The following C5orf34 variants were observed in gnomAD, a reference collection of about 807,000 sequenced individuals.
C5orf34 encodes chromosome 5 open reading frame 34, also known as uncharacterized protein C5orf34.
C5orf34 carries 73 observed loss-of-function variants against 78.4 expected under a neutral mutation model. The ratio of observed to expected loss-of-function variants is 0.93; its 90% CI spans 0.77 to 1.13. C5orf34 has a LOEUF of 1.13. Ranked by LOEUF, C5orf34 falls within the 50% of genes most tolerant of loss-of-function variation. The pLI is 0.00. For missense variants in C5orf34, 730 were observed against 732.7 expected, an observed-to-expected ratio of 1.00 and a Z score of 0.04; for synonymous variants, 251 against 246.6, an observed-to-expected ratio of 1.02 and a Z score of -0.17.
chr5:43,503,644 A>G, intron 5 of C5orf34, 21 bp downstream of exon 5: 1 of 1,494,412 alleles, frequency 6.7e-7, no homozygotes, highest in East Asian at 2.3e-5. Flanking sequence ...TCCAACATAG[A>G]AGCCAACATA....
At chr5:43,489,957 C>T (rs1745213471) in intron 11 of C5orf34, among the ~76,000 whole-genome samples, 1 of 152,070 alleles carries the variant, frequency 6.6e-6, no homozygotes, top group Non-Finnish European at 1.5e-5. Flanking sequence ...CAGGTCTGAA[C>T]TCCTATTTAT....
chr5:43,506,301 A>G lies in C5orf34; in HGVS notation c.379T>C (p.Ser127Pro). 1 of 1,614,142 alleles carries G rather than the reference A, an allele frequency of 6.2e-7. No individual in the cohort carries two copies. The highest frequency in any genetic ancestry group is 8.5e-7 in the Non-Finnish European group (1 of 1,180,020). ...CAGAGGTATGCATGACCATCTAAAG[A>G]TGTTATCTTCACAATGCCACTCTCC... ...YMESGIVKIT[S>P]LDGHAYLCLP... Residue 127 changes from serine (S) to proline (P), a missense_variant, in exon 4 of 13, where the codon TCT (serine) becomes CCT (proline). Coordinates refer to ENST00000306862, the MANE Select transcript of C5orf34 (RefSeq NM_198566.4).
Position 43,492,325 on chromosome 5 carries a change from G to A in C5orf34, c.1486-16C>T, listed in dbSNP as rs373958505. ...CTTGATTTACCTGAAGAAGTAGAAA[G>A]ATAAGTTTTATCATTTTAGAACTGA... On this transcript the variant is annotated splice_polypyrimidine_tract_variant and intron_variant, in intron 9 of 12. Transcript: ENST00000306862. 7 of 1,516,182 alleles carry A rather than the reference G, an allele frequency of 4.6e-6. No homozygotes were observed. The highest frequency in any genetic ancestry group is 6.4e-6 in the Non-Finnish European group (7 of 1,100,224). 93.9% of individuals were successfully genotyped at this position (1,516,182 alleles called of 1,614,324 possible).
intron 4 of C5orf34, 47 bp from the exon 5 acceptor site, chr5:43,503,807 AT>A (rs1745865578): frequency 7.7e-7 from 1 of 1,298,424 alleles, no homozygotes; most frequent in Middle Eastern, 2.0e-4. Flanking sequence ...GCTCAATATA[AT>A]TGTCTTTAGA....
chr5:43,495,720 G>A (rs534387189), intron 6 of C5orf34: 65 of 1,580,100 alleles, frequency 4.1e-5, no homozygotes, highest in East Asian at 2.5e-4. Flanking sequence ...AGAGGCAGGC[G>A]CAAGGGCTTG....
At position 43,502,512 on chromosome 5, in the gene C5orf34, A is replaced by G. The variant is rs1056605152; in HGVS notation, c.1029-17T>C. 5 of 1,486,990 alleles carry G rather than the reference A, an allele frequency of 3.4e-6. No homozygotes were observed. 92.1% of individuals were successfully genotyped at this position (1,486,990 alleles called of 1,614,324 possible). A position where few individuals can be genotyped will look rare whatever the true frequency, so the allele number is the denominator to read the frequency against. ...TGGGTAAGTCTAAGAAATAGAAATA[A>G]CCATTAAAAATTTTTTTCCACTTGA... On this transcript the variant is annotated splice_polypyrimidine_tract_variant and intron_variant, in intron 5 of 12. Coordinates refer to ENST00000306862, the MANE Select transcript of C5orf34 (RefSeq NM_198566.4).
chr5:43,511,769 C>G (rs1357592703), intron 1 of C5orf34, among the ~76,000 whole-genome samples: 1 of 152,104 alleles, frequency 6.6e-6, no homozygotes, highest in Admixed American at 6.5e-5. Flanking sequence ...TGTGTCCACT[C>G]AGGGTTAAAT....
intron 6 of C5orf34, among the ~76,000 whole-genome samples, chr5:43,496,743 C>T (rs533335094): frequency 5.1e-5 from 4 of 77,882 alleles, no homozygotes; most frequent in South Asian, 6.5e-4. Flanking sequence ...GCCACCATAC[C>T]GGGCTAATTT....
At chr5:43,495,327 T>C in intron 6 of C5orf34, 2 of 1,611,798 alleles carry the variant, frequency 1.2e-6, no homozygotes, top group Non-Finnish European at 1.7e-6. Flanking sequence ...CGATCAATCT[T>C]TTCCTTCAGC....
In C5orf34 at chr5:43,486,824, C is replaced by T. The variant is rs549749867; in HGVS notation, c.*91G>A. The T allele has an allele frequency of 8.2e-6, 5 of 611,464 alleles. No individual in the cohort carries two copies. The highest frequency in any genetic ancestry group is 3.2e-5 in the East Asian group (1 of 30,922). 37.9% of individuals were successfully genotyped at this position (611,464 alleles called of 1,614,324 possible). A position where few individuals can be genotyped will look rare whatever the true frequency, so the allele number is the denominator to read the frequency against. ...TCACAATCATTGTGCCGGGGTAATA[C>T]GTACAATATCTTGGCTTACTAGTAA... On this transcript the variant is annotated 3_prime_UTR_variant, in exon 13 of 13. Transcript: ENST00000306862.
intron 8 of C5orf34, 36 bp from the exon 9 acceptor site, chr5:43,492,926 G>C (rs1197361017): frequency 7.0e-7 from 1 of 1,432,900 alleles, no homozygotes; most frequent in African/African-American, 1.4e-5. Flanking sequence ...AGGAAATAGA[G>C]TTATCTAAGA....
intron 1 of C5orf34, among the ~76,000 whole-genome samples, chr5:43,513,187 A>G (rs1746349466): frequency 1.3e-5 from 2 of 152,094 alleles, no homozygotes; most frequent in Non-Finnish European, 2.9e-5. Context: ...TAAATATTTA[A>G]CCACATGGTC....
Position 43,487,091 on chromosome 5 carries a change from T to G in C5orf34, c.1741A>C (p.Ile581Leu). Reference sequence around the variant, plus strand: ...TTCTTGTTAGAAATCTGGTTTAGGATACCACTATTTTCTAGTAGCACTAAG... The same window carrying G: ...TTCTTGTTAGAAATCTGGTTTAGGAGACCACTATTTTCTAGTAGCACTAAG... ...KFNLLLENSGILNQISNKKNE... is the reference protein window; with the variant it reads ...KFNLLLENSGLLNQISNKKNE... Residue 581 changes from isoleucine to leucine, a missense_variant, in exon 13 of 13, where the codon ATC (isoleucine) becomes CTC (leucine). Ile to Leu is a conservative substitution (Grantham distance 5). Transcript: ENST00000306862. 2 of 1,542,168 alleles carry G rather than the reference T, an allele frequency of 1.3e-6. No homozygotes were observed. Among genetic ancestry groups the G allele is most frequent in the Non-Finnish European group, 1.7e-6 (2 of 1,147,336 alleles).
intron 1 of C5orf34, among the ~76,000 whole-genome samples, chr5:43,512,760 CTTTTTT>C (rs58813772): frequency 3.3e-4 from 24 of 72,886 alleles, no homozygotes; most frequent in African/African-American, 5.5e-4. Flanking sequence ...CCCACCTTGT[CTTTTTT>C]TTTTTTTTTT....
At chr5:43,513,927 C>T (rs1444920042) in intron 1 of C5orf34, among the ~76,000 whole-genome samples, 1 of 152,150 alleles carries the variant, frequency 6.6e-6, no homozygotes, top group Admixed American at 6.5e-5. Context: ...TAAAGTCAAC[C>T]GAAGCAGGGG....
At position 43,512,313 on chromosome 5, in the gene C5orf34, A is replaced by T. The variant is rs901363567; in HGVS notation, c.-37+2493T>A. On this transcript the variant is annotated intron_variant, in intron 1 of 12. Transcript: ENST00000306862. ...TGATCAAGTTTTACCTGCCAGAAAA[A>T]AATAACGTTCTATAGAAAACACTTT... Among the ~76,000 whole-genome samples, 3 of 152,208 alleles carry T rather than the reference A, an allele frequency of 2.0e-5. No individual in the cohort carries two copies. In the East Asian group the frequency reaches 5.8e-4, roughly 29 times the overall value.
At chr5:43,509,426 A>C in intron 1 of C5orf34, 51 bp from the exon 2 acceptor site, 1 of 1,080,384 alleles carries the variant, frequency 9.3e-7, no homozygotes. Context: ...TAATGTACAA[A>C]ACTTTTATCA....
At chr5:43,501,280 C>T (rs1049329986) in intron 6 of C5orf34, among the ~76,000 whole-genome samples, 47 of 152,164 alleles carry the variant, frequency 3.1e-4, no homozygotes, top group Non-Finnish European at 2.1e-4. Flanking sequence ...CACACATACA[C>T]ACATATATAC....
At chr5:43,510,705 G>A (rs1190752987) in intron 1 of C5orf34, among the ~76,000 whole-genome samples, 1 of 152,262 alleles carries the variant, frequency 6.6e-6, no homozygotes, top group African/African-American at 2.4e-5. Context: ...GGCCTCCCGA[G>A]GTGCCGGGAT....
Sources: allele counts gnomAD v4.1 joint callset (sites outside exome capture counted in the v4.1 genomes callset), GRCh38; gene constraint gnomAD v4.1.1; transcripts MANE v1.5; gene names NCBI Gene and HGNC (gene_info 2026-07-23, HGNC 2026-07-21).